The following PAPPA2 variants were observed in gnomAD, a reference collection of about 807,000 sequenced individuals.
PAPPA2 encodes the protein pappalysin-2.
A neutral mutation model predicts 176.4 loss-of-function variants in PAPPA2; 86 were observed. The ratio of observed to expected loss-of-function variants is 0.49; its 90% CI spans 0.41 to 0.58. The LOEUF is 0.58. Ranked by LOEUF, PAPPA2 falls within the 20% of genes least tolerant of loss-of-function variation. The pLI, the probability that PAPPA2 is intolerant of heterozygous loss-of-function variation, is 0.00. For synonymous variants in PAPPA2, 809 were observed against 852.2 expected (o/e 0.95, Z 0.88); for missense variants, 2,073 against 2,256.9 (o/e 0.92, Z 1.65).
At chr1:176,666,796 T>C (rs892728697) in intron 3 of PAPPA2, among the ~76,000 whole-genome samples, 5 of 151,840 alleles carry the variant, frequency 3.3e-5, no homozygotes, top group Admixed American at 1.3e-4. Context: ...GGAGAGGAGA[T>C]GGCCATAAAC....
At chr1:176,680,431 C>CAT (rs1553388129) in intron 4 of PAPPA2, among the ~76,000 whole-genome samples, 4 of 152,006 alleles carry the variant, frequency 2.6e-5, no homozygotes, top group African/African-American at 9.7e-5. Flanking sequence ...CAGCTAAAAA[C>CAT]TTGAATACAA....
chr1:176,838,856 G>A (rs1667374817), intron 21 of PAPPA2, among the ~76,000 whole-genome samples: 1 of 152,224 alleles, frequency 6.6e-6, no homozygotes, highest in South Asian at 2.1e-4. Flanking sequence ...TCAGCCGTTG[G>A]CAAACTGGTA....
intron 3 of PAPPA2, among the ~76,000 whole-genome samples, chr1:176,603,088 T>A (rs916214904): frequency 6.6e-6 from 1 of 152,222 alleles, no homozygotes; most frequent in African/African-American, 2.4e-5. Context: ...AGCCATGTAG[T>A]CTGTCTGGGT....
At chr1:176,606,841 C>A (rs1374600538) in intron 3 of PAPPA2, among the ~76,000 whole-genome samples, 1 of 152,068 alleles carries the variant, frequency 6.6e-6, no homozygotes, top group Non-Finnish European at 1.5e-5. Flanking sequence ...AACCAAAGTA[C>A]AGATGTGCAA....
chr1:176,780,978 T>C (rs1664686633), intron 17 of PAPPA2, among the ~76,000 whole-genome samples: 1 of 152,158 alleles, frequency 6.6e-6, no homozygotes, highest in African/African-American at 2.4e-5. Flanking sequence ...AAACCTCATG[T>C]TGTTTTTAGT....
At chr1:176,626,214 C>A (rs976328444) in intron 3 of PAPPA2, among the ~76,000 whole-genome samples, 5 of 152,102 alleles carry the variant, frequency 3.3e-5, no homozygotes, top group African/African-American at 1.2e-4. Flanking sequence ...TCCCTCATAT[C>A]CTAATTTTTC....
chr1:176,842,781 C>T lies in PAPPA2; in HGVS notation c.*327C>T, dbSNP rs965995374. ...TATCCTCAACTCTTGCCCTGCTCTC[C>T]GCTCCACCCCCTGCCAACTACTCAG... is the stretch of plus-strand genomic sequence containing the variant. On this transcript the variant is annotated 3_prime_UTR_variant, in exon 23 of 23. Coordinates refer to ENST00000367662, the MANE Select transcript of PAPPA2 (RefSeq NM_020318.3). 7 of 231,130 alleles carry T rather than the reference C, an allele frequency of 3.0e-5. No homozygotes were observed. Among genetic ancestry groups the T allele is most frequent in the East Asian group, 1.1e-4 (1 of 9,074 alleles). 14.3% of individuals were successfully genotyped at this position (231,130 alleles called of 1,614,324 possible).
At chr1:176,815,430 C>A (rs1417719786) in intron 21 of PAPPA2, among the ~76,000 whole-genome samples, 1 of 152,146 alleles carries the variant, frequency 6.6e-6, no homozygotes, top group East Asian at 1.9e-4. Flanking sequence ...CTAACCTCAG[C>A]CTCTCTCAGC....
chr1:176,512,608 GA>G (rs1648674038), intron 1 of PAPPA2, among the ~76,000 whole-genome samples: 1 of 152,126 alleles, frequency 6.6e-6, no homozygotes, highest in African/African-American at 2.4e-5. Context: ...GGGGTGAAGA[GA>G]ATGACTACAA....
At chr1:176,716,614 T>G (rs1661386522) in intron 12 of PAPPA2, among the ~76,000 whole-genome samples, 1 of 143,950 alleles carries the variant, frequency 6.9e-6, no homozygotes. Context: ...TTTTTTTTTT[T>G]TTTTTTTTGT....
At chr1:176,781,844 T>G (rs1028672871) in intron 17 of PAPPA2, among the ~76,000 whole-genome samples, 3 of 152,190 alleles carry the variant, frequency 2.0e-5, no homozygotes, top group African/African-American at 7.2e-5. Flanking sequence ...GGTACCACAC[T>G]GTGTGTAGTA....
chr1:176,605,098 C>T (rs917030385), intron 3 of PAPPA2, among the ~76,000 whole-genome samples: 2 of 151,854 alleles, frequency 1.3e-5, no homozygotes, highest in South Asian at 4.2e-4. Flanking sequence ...TACCTGAGTC[C>T]CCAGGAGGCT....
chr1:176,566,950 C>G (rs1382224288), intron 2 of PAPPA2, among the ~76,000 whole-genome samples: 1 of 152,146 alleles, frequency 6.6e-6, no homozygotes, highest in Non-Finnish European at 1.5e-5. Flanking sequence ...AGCTTCAGTT[C>G]CTGATGTCAT....
intron 9 of PAPPA2, 146 bp from the exon 10 acceptor site, chr1:176,706,213 T>A (rs1660874123): frequency 1.6e-6 from 1 of 626,026 alleles, no homozygotes. Context: ...TTCTATTTTC[T>A]GTAAAAGCAT....
intron 14 of PAPPA2, among the ~76,000 whole-genome samples, chr1:176,745,440 C>T (rs1410580341): frequency 6.6e-6 from 1 of 152,206 alleles, no homozygotes; most frequent in Non-Finnish European, 1.5e-5. Flanking sequence ...TGATTGTACT[C>T]AAGACCAAAG....
rs1654309583 is a variant in PAPPA2 at position 176,601,372 on chromosome 1, C to T, written c.1991+5777C>T. ...CAAAACAAACAAAGATGCATTCCTA[C>T]CACCCCCAGCAAGAAACCAGAAATC... On this transcript the variant is annotated intron_variant, in intron 3 of 22. Transcript: ENST00000367662. 2.0e-5 allele frequency among the ~76,000 whole-genome samples: 3 copies of T among 152,160 alleles called. No homozygotes were observed. The South Asian group carries it at 6.2e-4, about 32-fold the overall frequency.
intron 9 of PAPPA2, among the ~76,000 whole-genome samples, chr1:176,705,330 A>C (rs956120120): frequency 1.3e-5 from 2 of 152,160 alleles, no homozygotes; most frequent in African/African-American, 4.8e-5. Flanking sequence ...ATATCACTGT[A>C]TTCATAGCAT....
chr1:176,523,630 A>G (rs1029816091), intron 1 of PAPPA2, among the ~76,000 whole-genome samples: 1 of 152,232 alleles, frequency 6.6e-6, no homozygotes, highest in Non-Finnish European at 1.5e-5. Flanking sequence ...AAATTCATTT[A>G]TTCATTCATT....
chr1:176,666,246 A>G (rs1375628482), intron 3 of PAPPA2, among the ~76,000 whole-genome samples: 1 of 152,210 alleles, frequency 6.6e-6, no homozygotes, highest in African/African-American at 2.4e-5. Context: ...AACTAATAAT[A>G]TAAAAATGCA....
Sources: gnomAD v4.1 joint callset for allele counts (sites outside exome capture counted in the v4.1 genomes callset) on GRCh38, gnomAD v4.1.1 for gene constraint, MANE v1.5 for transcripts, NCBI Gene and HGNC (gene_info 2026-07-23, HGNC 2026-07-21) for gene names.